The following PLCE1 variants were observed in gnomAD, a reference collection of about 807,000 sequenced individuals.
PLCE1 encodes 1-phosphatidylinositol 4,5-bisphosphate phosphodiesterase epsilon-1.
Under a neutral mutation model 242.8 loss-of-function variants are expected in PLCE1, and 119 were observed. That is an observed-to-expected ratio of 0.49 (90% CI 0.42 to 0.57). The LOEUF (loss-of-function observed/expected upper bound fraction) is 0.57. Ranked by LOEUF, PLCE1 falls within the 20% of genes least tolerant of loss-of-function variation. PLCE1 has a pLI of 0.00. For missense variants in PLCE1, 2,441 were observed against 2,788.8 expected (o/e 0.88, Z 2.81); for synonymous variants, 945 against 1,017.4 (o/e 0.93, Z 1.35).
At chr10:94,191,300 C>A (rs527595153) in intron 4 of PLCE1, among the ~76,000 whole-genome samples, 3 of 150,822 alleles carry the variant, frequency 2.0e-5, no homozygotes, top group African/African-American at 7.4e-5. Flanking sequence ...GCAGAGAGGA[C>A]CCCCCCTGCC....
chr10:94,154,616 C>A (rs1488649597), intron 3 of PLCE1, among the ~76,000 whole-genome samples: 2 of 151,902 alleles, frequency 1.3e-5, no homozygotes, highest in Non-Finnish European at 2.9e-5. Context: ...AACAGAGAAC[C>A]CAACAACACA....
Position 94,252,395 on chromosome 10 carries a change from C to T in PLCE1, c.3176C>T (p.Pro1059Leu). ...GGCAGACGGTGGAGTGCTCGAAACC[C>T]CAGCCCCGGAACATCAGCAAAGAAT... ...FGGRRWSARNPSPGTSAKNAE... is the reference protein window; with the variant it reads ...FGGRRWSARNLSPGTSAKNAE... The change falls in exon 9 of 33, where the codon CCC (proline) becomes CTC (leucine). Residue 1059 changes from proline to leucine, a missense_variant. By Grantham distance (98) the Pro-to-Leu change is moderately conservative (BLOSUM62 -3). Coordinates refer to ENST00000371380, the MANE Select transcript of PLCE1 (RefSeq NM_016341.4). The T allele has an allele frequency of 6.2e-7, 1 of 1,614,036 alleles. No homozygotes were observed. Among genetic ancestry groups the T allele is most frequent in the African/African-American group, 1.3e-5 (1 of 75,024 alleles).
At chr10:94,201,715 G>A (rs1397019952) in intron 4 of PLCE1, among the ~76,000 whole-genome samples, 2 of 152,120 alleles carry the variant, frequency 1.3e-5, no homozygotes, top group South Asian at 2.1e-4. Flanking sequence ...TCCTGACCTC[G>A]TGATCCACCT....
At chr10:94,246,655 G>C in intron 8 of PLCE1, 34 bp downstream of exon 8, 5 of 1,583,356 alleles carry the variant, frequency 3.2e-6, no homozygotes, top group Non-Finnish European at 4.3e-6. Context: ...TTCCTCACTG[G>C]CATAATACTC....
intron 23 of PLCE1, among the ~76,000 whole-genome samples, chr10:94,295,100 T>C (rs917721012): frequency 7.3e-5 from 11 of 151,652 alleles, no homozygotes; most frequent in African/African-American, 1.5e-4. Flanking sequence ...GTATTTTTAG[T>C]AGAGATGGGG....
At chr10:94,294,470 G>A (rs921644132) in intron 23 of PLCE1, among the ~76,000 whole-genome samples, 1 of 152,068 alleles carries the variant, frequency 6.6e-6, no homozygotes, top group African/African-American at 2.4e-5. Context: ...TGGGATACAG[G>A]CATACTTCGG....
At chr10:94,048,742 T>C (rs558810957) in intron 2 of PLCE1, among the ~76,000 whole-genome samples, 6 of 148,238 alleles carry the variant, frequency 4.0e-5, no homozygotes, top group Non-Finnish European at 7.4e-5. Flanking sequence ...TATATGTATA[T>C]ACACACATAT....
chr10:94,089,103 A>C, intron 2 of PLCE1: 3 of 1,613,760 alleles, frequency 1.9e-6, no homozygotes, highest in Non-Finnish European at 2.5e-6. Context: ...TAATGGTTTC[A>C]GAAGGAAGTG....
intron 13 of PLCE1, 92 bp downstream of exon 13, chr10:94,259,242 A>G (rs1022708186): frequency 3.9e-6 from 5 of 1,291,252 alleles, no homozygotes; most frequent in Middle Eastern, 1.8e-4. Flanking sequence ...AGCCTGTCCC[A>G]CATAGTGTGC....
At chr10:94,074,408 T>C (rs779039913) in intron 2 of PLCE1, among the ~76,000 whole-genome samples, 2 of 152,122 alleles carry the variant, frequency 1.3e-5, no homozygotes, top group Non-Finnish European at 2.9e-5. Flanking sequence ...TCTCCCTATG[T>C]TGCCCAGGCT....
chr10:94,148,536 GTC>G (rs1384381164), intron 3 of PLCE1, among the ~76,000 whole-genome samples: 1 of 152,192 alleles, frequency 6.6e-6, no homozygotes, highest in East Asian at 1.9e-4. Context: ...GCCCTAGAAG[GTC>G]TCTCTGGTCT....
chr10:94,302,523 C>CAA (rs368823170), intron 24 of PLCE1, among the ~76,000 whole-genome samples: 3 of 148,402 alleles, frequency 2.0e-5, no homozygotes, highest in African/African-American at 7.4e-5. Context: ...GTCATGATCA[C>CAA]AAAAAAAAAA....
At chr10:94,225,779 G>A (rs1016936273) in intron 4 of PLCE1, among the ~76,000 whole-genome samples, 3 of 152,192 alleles carry the variant, frequency 2.0e-5, no homozygotes, top group Admixed American at 2.0e-4. Context: ...GGAAAAATGG[G>A]GTTGCACTGC....
intron 4 of PLCE1, among the ~76,000 whole-genome samples, chr10:94,184,510 C>T (rs931835611): frequency 2.0e-5 from 3 of 152,070 alleles, no homozygotes; most frequent in Non-Finnish European, 2.9e-5. Flanking sequence ...TTGTATTTTT[C>T]GTAGAGACAG....
chr10:94,136,931 G>A (rs548839338), intron 3 of PLCE1, among the ~76,000 whole-genome samples: 50 of 152,294 alleles, frequency 3.3e-4, no homozygotes, highest in African/African-American at 8.7e-4. Flanking sequence ...GGTGGCTCAC[G>A]CCTGTAATCC....
At chr10:94,089,105 A>G in intron 2 of PLCE1, 1 of 1,613,744 alleles carries the variant, frequency 6.2e-7, no homozygotes, top group Non-Finnish European at 8.5e-7. Flanking sequence ...ATGGTTTCAG[A>G]AGGAAGTGCA....
chr10:94,179,512 G>GTTTTTTTTTGTTTTTTGTTTTT, intron 4 of PLCE1, among the ~76,000 whole-genome samples: 1 of 19,398 alleles, frequency 5.2e-5, no homozygotes, highest in Non-Finnish European at 1.0e-4. Flanking sequence ...TTTTAGTTTA[G>GTTTTTTTTTGTTTTTTGTTTTT]TTTTTTTTTT....
At chr10:94,303,709 T>C (rs2053112908) in intron 24 of PLCE1, among the ~76,000 whole-genome samples, 1 of 152,218 alleles carries the variant, frequency 6.6e-6, no homozygotes, top group South Asian at 2.1e-4. Flanking sequence ...TAAGCCATTA[T>C]TCCTTTCTAA....
At chr10:94,189,118 A>G (rs139555680) in intron 4 of PLCE1, among the ~76,000 whole-genome samples, 2 of 151,504 alleles carry the variant, frequency 1.3e-5, no homozygotes, top group African/African-American at 4.8e-5. Flanking sequence ...AGGCTGAAGA[A>G]GTCCAGTCAT....
Sources: allele counts gnomAD v4.1 joint callset (sites outside exome capture counted in the v4.1 genomes callset), GRCh38; gene constraint gnomAD v4.1.1; transcripts MANE v1.5; gene names NCBI Gene and HGNC (gene_info 2026-07-23, HGNC 2026-07-21).